ATP8A2: variants seen among roughly 807,000 people sequenced by gnomAD.
ATP8A2 encodes ATPase phospholipid transporting 8A2.
Under a neutral mutation model 165.6 loss-of-function variants are expected in ATP8A2, and 100 were observed. The observed-to-expected ratio is 0.60, with a 90% confidence interval of 0.51 to 0.71. The LOEUF is 0.71. Ranked by LOEUF, ATP8A2 falls within the 30% of genes least tolerant of loss-of-function variation. The pLI, the probability that ATP8A2 is intolerant of heterozygous loss-of-function variation, is 0.00. For synonymous variants in ATP8A2, 543 were observed against 548.8 expected, an observed-to-expected ratio of 0.99 and a Z score of 0.15; for missense variants, 1,227 against 1,479.5, an observed-to-expected ratio of 0.83 and a Z score of 2.80.
intron 35 of ATP8A2, among the ~76,000 whole-genome samples, 186 bp downstream of exon 35, chr13:25,968,865 GA>G (rs1378049819): frequency 6.6e-6 from 1 of 152,194 alleles, no homozygotes; most frequent in East Asian, 1.9e-4. Context: ...TAAATCTCTG[GA>G]AGTCTCCAGG....
In ATP8A2 at chr13:25,397,271, C is replaced by T. The variant is rs116678961; in HGVS notation, c.76+24983C>T. ...TATAGCACCTTAGAAAAAGGCTTGT[C>T]TCCTTCTTATAGGACCTGGTGAAAG... On this transcript the variant is annotated intron_variant, in intron 1 of 36. Coordinates refer to ENST00000381655, the MANE Select transcript of ATP8A2 (RefSeq NM_016529.6). Among the ~76,000 whole-genome samples, 1,054 of 152,296 alleles carry T rather than the reference C, an allele frequency of 6.9e-3. 9 individuals carry two copies. Among genetic ancestry groups the T allele is most frequent in the African/African-American group, 0.024 (992 of 41,552 alleles).
chr13:25,763,170 A>G (rs1390023842), intron 25 of ATP8A2, among the ~76,000 whole-genome samples: 1 of 152,178 alleles, frequency 6.6e-6, no homozygotes, highest in Non-Finnish European at 1.5e-5. Context: ...TGGCTCATTT[A>G]ACAATGGGGT....
chr13:25,900,492 C>T (rs181654149), intron 33 of ATP8A2, among the ~76,000 whole-genome samples: 4 of 152,158 alleles, frequency 2.6e-5, no homozygotes, highest in African/African-American at 9.6e-5. Context: ...GGCATCTGGT[C>T]GCAGTTTCAG....
chr13:25,858,778 A>G lies in ATP8A2; in HGVS notation c.2957-1417A>G, dbSNP rs534505469. Among the ~76,000 whole-genome samples the G allele has an allele frequency of 3.8e-4, 58 of 152,346 alleles. No individual in the cohort carries two copies. The South Asian group carries it at 3.9e-3, about 10-fold the overall frequency. On this transcript the variant is annotated intron_variant, in intron 30 of 36. Transcript: ENST00000381655. ...ACAGACCAGAACTGAGTATAAAAAA[A>G]GAATAAAACCAAATGCCACATGTTG...
At chr13:25,663,481 G>A (rs1263840828) in intron 24 of ATP8A2, among the ~76,000 whole-genome samples, 1 of 152,142 alleles carries the variant, frequency 6.6e-6, no homozygotes, top group African/African-American at 2.4e-5. Context: ...GACACCTGAT[G>A]TAATATTCAC....
At chr13:25,794,715 A>G (rs1157911533) in intron 27 of ATP8A2, among the ~76,000 whole-genome samples, 1 of 152,148 alleles carries the variant, frequency 6.6e-6, no homozygotes, top group Non-Finnish European at 1.5e-5. Context: ...ACAGATATAT[A>G]TATTCCAGTA....
intron 23 of ATP8A2, among the ~76,000 whole-genome samples, chr13:25,582,291 C>A (rs1461004753): frequency 6.6e-6 from 1 of 152,168 alleles, no homozygotes; most frequent in East Asian, 1.9e-4. Context: ...TTTAAATATG[C>A]GTTATTATTT....
At chr13:25,410,216 T>C (rs1334836958) in intron 1 of ATP8A2, among the ~76,000 whole-genome samples, 2 of 152,102 alleles carry the variant, frequency 1.3e-5, no homozygotes, top group African/African-American at 4.8e-5. Context: ...GTGGTTTTTT[T>C]TCCCCCTTAT....
intron 24 of ATP8A2, among the ~76,000 whole-genome samples, chr13:25,649,383 A>T (rs986166970): frequency 6.6e-5 from 10 of 152,146 alleles, no homozygotes; most frequent in African/African-American, 2.4e-4. Flanking sequence ...CTCAAGTGGT[A>T]CCACTATTTG....
At chr13:25,468,886 T>TGGCC in intron 1 of ATP8A2, 91 bp from the exon 2 acceptor site, 2 of 1,561,354 alleles carry the variant, frequency 1.3e-6, no homozygotes, top group East Asian at 2.4e-5. Context: ...TCCCCGCCGG[T>TGGCC]GGCCGCCCGC....
intron 29 of ATP8A2, among the ~76,000 whole-genome samples, chr13:25,838,638 G>A (rs1427173309): frequency 6.6e-6 from 1 of 151,454 alleles, no homozygotes; most frequent in African/African-American, 2.4e-5. Context: ...AAATTCCATT[G>A]TCTTATAACA....
intron 25 of ATP8A2, among the ~76,000 whole-genome samples, chr13:25,741,807 T>C (rs948347101): frequency 1.3e-5 from 2 of 152,196 alleles, no homozygotes; most frequent in African/African-American, 4.8e-5. Context: ...GAAAATTGGG[T>C]TCTGGGGCAG....
At chr13:25,986,933 A>G (rs1284022485) in intron 35 of ATP8A2, among the ~76,000 whole-genome samples, 2 of 152,194 alleles carry the variant, frequency 1.3e-5, no homozygotes, top group East Asian at 1.9e-4. Context: ...TGTACTGTTT[A>G]TCCATTCAGG....
chr13:25,696,091 T>C (rs1304090691), intron 24 of ATP8A2, among the ~76,000 whole-genome samples: 1 of 152,244 alleles, frequency 6.6e-6, no homozygotes, highest in Non-Finnish European at 1.5e-5. Context: ...ACAACATTCA[T>C]TCATCAACGA....
intron 25 of ATP8A2, among the ~76,000 whole-genome samples, chr13:25,740,477 A>G (rs963502362): frequency 3.9e-5 from 6 of 152,158 alleles, no homozygotes; most frequent in African/African-American, 1.4e-4. Context: ...CTCTATGACA[A>G]TAGGAATGAT....
intron 1 of ATP8A2, among the ~76,000 whole-genome samples, chr13:25,375,506 G>A (rs1489454092): frequency 2.0e-5 from 3 of 152,218 alleles, no homozygotes; most frequent in East Asian, 1.9e-4. Flanking sequence ...CTATCTTACC[G>A]CATTTCTGGA....
At chr13:25,562,018 C>G (rs181834849) in intron 15 of ATP8A2, among the ~76,000 whole-genome samples, 20 of 152,322 alleles carry the variant, frequency 1.3e-4, no homozygotes, top group African/African-American at 4.6e-4. Flanking sequence ...ATCCCACCAT[C>G]TGTTCATGGG....
intron 24 of ATP8A2, among the ~76,000 whole-genome samples, chr13:25,639,977 A>G (rs1231425133): frequency 1.3e-5 from 2 of 152,232 alleles, no homozygotes; most frequent in Admixed American, 6.5e-5. Context: ...CTACATGGAA[A>G]CTGAACAACC....
At chr13:25,847,379 T>G (rs951106529) in intron 30 of ATP8A2, among the ~76,000 whole-genome samples, 1 of 152,268 alleles carries the variant, frequency 6.6e-6, no homozygotes, top group Non-Finnish European at 1.5e-5. Context: ...TGACTTTAGC[T>G]GTTTTCCTGT....
Sources: gnomAD v4.1 joint callset for allele counts (sites outside exome capture counted in the v4.1 genomes callset) on GRCh38, gnomAD v4.1.1 for gene constraint, MANE v1.5 for transcripts, NCBI Gene and HGNC (gene_info 2026-07-23, HGNC 2026-07-21) for gene names.